GALNT9: variants seen among roughly 807,000 people sequenced by gnomAD.
GALNT9 encodes GalNAc transferase 9.
Under a neutral mutation model 63.1 loss-of-function variants are expected in GALNT9, and 47 were observed. That is an observed-to-expected ratio of 0.75 (90% CI 0.59 to 0.95). The LOEUF is 0.95. Ranked by LOEUF, GALNT9 falls within the 40% of genes least tolerant of loss-of-function variation. GALNT9 has a pLI of 0.00. For synonymous variants in GALNT9, 396 were observed against 365.7 expected (o/e 1.08, Z -0.94); for missense variants, 829 against 874.8 (o/e 0.95, Z 0.66).
chr12:132,255,103 G>A (rs901632094), intron 5 of GALNT9, among the ~76,000 whole-genome samples: 35 of 152,294 alleles, frequency 2.3e-4, no homozygotes, highest in African/African-American at 1.4e-4. Context: ...GAATGGAGCC[G>A]CTTCTCAACC....
chr12:132,264,099 G>A (rs1668725822), intron 2 of GALNT9, among the ~76,000 whole-genome samples: 1 of 152,224 alleles, frequency 6.6e-6, no homozygotes. Context: ...ATTTGATTTA[G>A]AATCCATGTT....
intron 1 of GALNT9, among the ~76,000 whole-genome samples, chr12:132,317,295 C>G (rs1420081186): frequency 1.3e-5 from 2 of 152,212 alleles, no homozygotes; most frequent in Non-Finnish European, 2.9e-5. Context: ...CCCACAGAAG[C>G]AGCTGGTGGG....
At chr12:132,239,737 G>GAGAGAC (rs1236123933) in intron 6 of GALNT9, among the ~76,000 whole-genome samples, 7 of 152,086 alleles carry the variant, frequency 4.6e-5, no homozygotes, top group Admixed American at 1.3e-4. Flanking sequence ...AAAAGACTGG[G>GAGAGAC]AGAGACAGAG....
intron 5 of GALNT9, among the ~76,000 whole-genome samples, chr12:132,254,743 TAGTC>T (rs1555238905): frequency 1.3e-5 from 2 of 152,214 alleles, no homozygotes; most frequent in African/African-American, 2.4e-5. Context: ...TCTCTTGAAA[TAGTC>T]AGTCCTCTTG....
At chr12:132,260,840 G>C (rs934221620) in intron 4 of GALNT9, 108 bp downstream of exon 4, 5 of 1,409,230 alleles carry the variant, frequency 3.5e-6, no homozygotes, top group Admixed American at 6.1e-5. Context: ...GAGTCTCCCA[G>C]CCCCGGGGCC....
In GALNT9 at chr12:132,319,479, G is replaced by A. The variant is rs1868679699; in HGVS notation, c.238+9487C>T. 6.6e-6 allele frequency among the ~76,000 whole-genome samples: 1 copy of A among 152,080 alleles called. No homozygotes were observed. Among genetic ancestry groups the A allele is most frequent in the Non-Finnish European group, 1.5e-5 (1 of 67,990 alleles). ...TTAGGTCTCTGCACTCAGGCCAAAG[G>A]ACCCCACCCAGCTTCCCGGGCCTGC... On this transcript the variant is annotated intron_variant, in intron 1 of 10. Transcript: ENST00000328957. This position sits in a 1 kb window ranked among gnomAD's most constrained non-coding sequence, Gnocchi z 5.2.
rs557214213 is a variant in GALNT9, at chr12:132,277,020, C to T, written c.419+9230G>A. Among the ~76,000 whole-genome samples, 11 of 152,176 alleles carry T rather than the reference C, an allele frequency of 7.2e-5. No homozygotes were observed. The East Asian group carries it at 1.9e-3, about 27-fold the overall frequency. On this transcript the variant is annotated intron_variant, in intron 2 of 10. Transcript: ENST00000328957. ...ACACACGCAGATACATGCGCATGTA[C>T]AGGCATGCACACATACACACACACA...
intron 1 of GALNT9, among the ~76,000 whole-genome samples, chr12:132,322,510 G>A (rs895226155): frequency 1.1e-4 from 16 of 152,250 alleles, no homozygotes; most frequent in Non-Finnish European, 1.2e-4. Flanking sequence ...ATCCCCGTCC[G>A]TGACTCAGTT....
At chr12:132,285,891 CAGAGAG>C (rs1357965621) in intron 2 of GALNT9, among the ~76,000 whole-genome samples, 1 of 151,920 alleles carries the variant, frequency 6.6e-6, no homozygotes, top group Non-Finnish European at 1.5e-5. Flanking sequence ...GAGGGAGAGA[CAGAGAG>C]AGACAGGAGA....
chr12:132,196,954 ACTCAGCCACACCCCGGCCC>A lies in GALNT9; in HGVS notation c.*134_*152del, dbSNP rs368337187. 484 of 1,474,076 alleles carry A rather than the reference ACTCAGCCACACCCCGGCCC, an allele frequency of 3.3e-4. 1 individual carries two copies. The African/African-American group carries it at 6.1e-3, about 19-fold the overall frequency. 91.3% of individuals were successfully genotyped at this position (1,474,076 alleles called of 1,614,324 possible). The stretch of plus-strand genomic sequence containing the variant: ...AGATGCAGTGGGTGACACCCTGGTC[ACTCAGCCACACCCCGGCCC>A]CTCAGCCTCTGCTGTCCTGGCCGCA... On this transcript the variant is annotated 3_prime_UTR_variant, in exon 11 of 11. Transcript: ENST00000328957.
At chr12:132,203,375 T>TGCACACCTGTCAACACACCCAC (rs1876339370) in intron 7 of GALNT9, 130 bp downstream of exon 7, 2 of 744,214 alleles carry the variant, frequency 2.7e-6, no homozygotes, top group African/African-American at 1.8e-5. Flanking sequence ...CTTGCACCTG[T>TGCACACCTGTCAACACACCCAC]GCACACCTGT....
At chr12:132,215,363 C>A (rs377231333) in intron 6 of GALNT9, among the ~76,000 whole-genome samples, 4 of 152,248 alleles carry the variant, frequency 2.6e-5, no homozygotes, top group African/African-American at 9.6e-5. Flanking sequence ...GAGGCCAGGA[C>A]GCGGCGCCCG....
At chr12:132,201,567 ACGG>A (rs1876120615) in intron 7 of GALNT9, among the ~76,000 whole-genome samples, 1 of 152,100 alleles carries the variant, frequency 6.6e-6, no homozygotes, top group Non-Finnish European at 1.5e-5. Flanking sequence ...GCCTGAGAAG[ACGG>A]CCCTGCTCAC....
intron 1 of GALNT9, among the ~76,000 whole-genome samples, chr12:132,293,317 G>T (rs1223689932): frequency 2.0e-5 from 3 of 152,250 alleles, no homozygotes; most frequent in African/African-American, 7.2e-5. Flanking sequence ...CTGAGCACTT[G>T]CTCCAGGGGG....
intron 7 of GALNT9, among the ~76,000 whole-genome samples, chr12:132,203,071 G>A (rs761592796): frequency 6.6e-6 from 1 of 152,194 alleles, no homozygotes; most frequent in African/African-American, 2.4e-5. Flanking sequence ...AAGCCACACA[G>A]CGTATGAGCC....
At chr12:132,317,125 A>C (rs1484979193) in intron 1 of GALNT9, among the ~76,000 whole-genome samples, 2 of 146,688 alleles carry the variant, frequency 1.4e-5, no homozygotes, top group Non-Finnish European at 3.0e-5. Flanking sequence ...CCTACACCCC[A>C]CAGAGCACAG....
chr12:132,249,366 T>A (rs1555238338), intron 5 of GALNT9, among the ~76,000 whole-genome samples: 2 of 152,196 alleles, frequency 1.3e-5, no homozygotes. Context: ...CTGTCATAAT[T>A]TAAAGGAAGC....
chr12:132,250,696 C>T (rs1555238464), intron 5 of GALNT9, among the ~76,000 whole-genome samples: 1 of 152,224 alleles, frequency 6.6e-6, no homozygotes, highest in East Asian at 1.9e-4. Flanking sequence ...GAGGCTGAGG[C>T]AGGAGAATCA....
intron 5 of GALNT9, among the ~76,000 whole-genome samples, chr12:132,248,240 C>G (rs1878789524): frequency 6.6e-6 from 1 of 152,240 alleles, no homozygotes; most frequent in Non-Finnish European, 1.5e-5. Context: ...GCCCTCAGCC[C>G]AGACAGCGTC....
Sources: allele counts gnomAD v4.1 joint callset (sites outside exome capture counted in the v4.1 genomes callset), GRCh38; gene constraint gnomAD v4.1.1; non-coding constraint Gnocchi (gnomAD v3.1); transcripts MANE v1.5; gene names NCBI Gene and HGNC (gene_info 2026-07-23, HGNC 2026-07-21).